Variants in TRIM34 observed in about 807,000 individuals in gnomAD.
The protein encoded by TRIM34 is E3 ubiquitin-protein ligase TRIM34.
Under a neutral mutation model 38.1 loss-of-function variants are expected in TRIM34, and 41 were observed. The ratio of observed to expected loss-of-function variants is 1.08; its 90% CI spans 0.84 to 1.40. The LOEUF is 1.40. Among genes scored for constraint, TRIM34 ranks in the 40% most tolerant of loss-of-function variants. The pLI is 0.00. For synonymous variants in TRIM34, 200 were observed against 202.5 expected (o/e 0.99, Z 0.10); for missense variants, 556 against 571.4 (o/e 0.97, Z 0.27).
intron 1 of TRIM34, among the ~76,000 whole-genome samples, chr11:5,625,311 G>A (rs1209260486): frequency 6.6e-6 from 1 of 152,060 alleles, no homozygotes; most frequent in African/African-American, 2.4e-5. Context: ...TTTCCTCCAG[G>A]CTGAATCTAT....
At position 5,644,149 on chromosome 11, in the gene TRIM34, G is replaced by A; in HGVS notation, c.*440G>A. The A allele has an allele frequency of 2.5e-6, 1 of 400,134 alleles. No individual in the cohort carries two copies. 24.8% of individuals were successfully genotyped at this position (400,134 alleles called of 1,614,324 possible). A position where few individuals can be genotyped will look rare whatever the true frequency, so the allele number is the denominator to read the frequency against. On this transcript the variant is annotated 3_prime_UTR_variant, in exon 8 of 8. Coordinates refer to ENST00000429814, the MANE Select transcript of TRIM34 (RefSeq NM_021616.6). ...CCCAGGTACATCAAGGAATCAAGGAGAGGAAAATATGAGCAATATGTGTAT... is the reference window on the plus strand; with the variant it reads ...CCCAGGTACATCAAGGAATCAAGGAAAGGAAAATATGAGCAATATGTGTAT...
intron 1 of TRIM34, among the ~76,000 whole-genome samples, chr11:5,629,682 A>G (rs550876673): frequency 7.9e-5 from 12 of 152,322 alleles, no homozygotes; most frequent in Admixed American, 2.0e-4. Flanking sequence ...GGGCCGCTTC[A>G]GGTGAGCTCT....
In TRIM34 at chr11:5,643,493, T is replaced by C. The variant is rs1411901899; in HGVS notation, c.1251T>C (p.Ser417=). The C allele has an allele frequency of 1.9e-6, 3 of 1,614,254 alleles. No homozygotes were observed. Among genetic ancestry groups the C allele is most frequent in the Non-Finnish European group, 2.5e-6 (3 of 1,180,040 alleles). ...GTGTCTTTGAAGAGTCTTTGTCCTC[T>C]GATCCCGAGGTTTTGACTCTCTCCA... ...KYGVFEESLS[S]DPEVLTLSMA... The change falls in exon 8 of 8, where the codon TCT becomes TCC. Residue 417 remains serine (S), a synonymous_variant. Transcript: ENST00000429814.
At chr11:5,628,953 G>A (rs74495836) in intron 1 of TRIM34, among the ~76,000 whole-genome samples, 11,037 of 151,784 alleles carry the variant, frequency 0.073, 530 homozygotes, top group East Asian at 0.17. Context: ...TTTCTTTCCC[G>A]TGTGTCTGTA....
At chr11:5,626,143 CTG>C (rs938729198) in intron 1 of TRIM34, among the ~76,000 whole-genome samples, 1 of 152,232 alleles carries the variant, frequency 6.6e-6, no homozygotes, top group Non-Finnish European at 1.5e-5. Context: ...TACATACTGA[CTG>C]TCTCCCAGAG....
chr11:5,634,492 TACACACACACACACACACACACAC>T, intron 3 of TRIM34, 115 bp from the exon 4 acceptor site: 1 of 227,110 alleles, frequency 4.4e-6, no homozygotes, highest in African/African-American at 2.9e-5. Context: ...ATAATATAAA[TACACACACACACACACACACACAC>T]ACACACACAC....
chr11:5,641,065 A>C lies in TRIM34; in HGVS notation c.751-102A>C, dbSNP rs74051046. 11,310 of 1,434,402 alleles carry C rather than the reference A, an allele frequency of 7.9e-3. 708 individuals carry two copies. The African/African-American group carries it at 0.14, about 18-fold the overall frequency. 88.9% of individuals were successfully genotyped at this position (1,434,402 alleles called of 1,614,324 possible). On this transcript the variant is annotated intron_variant, in intron 4 of 7. Transcript: ENST00000429814. ...TTTTGTTGACATTTTCATATAACTC[A>C]CTTCTGATTTTTCCATTTTTTTTCC...
intron 1 of TRIM34, among the ~76,000 whole-genome samples, chr11:5,625,513 A>G (rs1275561105): frequency 6.6e-6 from 1 of 152,154 alleles, no homozygotes; most frequent in African/African-American, 2.4e-5. Context: ...AGCTCCTAGT[A>G]TGTGGCGTCA....
intron 4 of TRIM34, among the ~76,000 whole-genome samples, chr11:5,637,105 G>A (rs1849774756): frequency 3.3e-5 from 5 of 152,274 alleles, no homozygotes; most frequent in Admixed American, 6.5e-5. Flanking sequence ...CCCAGGAGGC[G>A]GAGCTTGCAG....
Position 5,642,498 on chromosome 11 carries a change from T to C in TRIM34, c.866T>C (p.Met289Thr), listed in dbSNP as rs1564891018. The change falls in exon 6 of 8, where the codon ATG becomes ACG. Residue 289 changes from methionine (M) to threonine (T), a missense_variant. Transcript: ENST00000429814. The stretch of plus-strand genomic sequence containing the variant: ...CCAGATCTGAGTAGGATGCTGCAAA[T>C]GTTTAGAGGTGAGGAGAAGCAGACA... ...HAPDLSRMLQMFRELTAVRCY... is the reference protein window; with the variant it reads ...HAPDLSRMLQTFRELTAVRCY... 1 of 1,613,522 alleles carries C rather than the reference T, an allele frequency of 6.2e-7. No homozygotes were observed. Among genetic ancestry groups the C allele is most frequent in the South Asian group, 1.1e-5 (1 of 90,978 alleles).
intron 1 of TRIM34, among the ~76,000 whole-genome samples, chr11:5,625,507 C>T (rs752022161): frequency 3.3e-5 from 5 of 152,076 alleles, no homozygotes; most frequent in Admixed American, 2.6e-4. Context: ...GGGCTTAGCT[C>T]CTAGTATGTG....
intron 4 of TRIM34, among the ~76,000 whole-genome samples, chr11:5,637,484 T>C (rs1334101747): frequency 5.3e-5 from 8 of 152,244 alleles, no homozygotes; most frequent in Non-Finnish European, 7.3e-5. Flanking sequence ...ATGCTTTCTG[T>C]AATAGTTTTA....
At chr11:5,624,702 CCACT>C (rs1849124495), upstream of TRIM34, 1 of 152,172 alleles carries the variant, frequency 6.6e-6, no homozygotes, top group Non-Finnish European at 1.5e-5. Flanking sequence ...TGACCTGTAC[CCACT>C]AAGATGCCAG....
rs1049257993 is a variant in TRIM34 at position 5,643,740 on chromosome 11, G to T, written c.*31G>T. 2 of 1,541,432 alleles carry T rather than the reference G, an allele frequency of 1.3e-6. No individual in the cohort carries two copies. The highest frequency in any genetic ancestry group is 2.3e-5 in the East Asian group (1 of 44,442). On this transcript the variant is annotated 3_prime_UTR_variant, in exon 8 of 8. Transcript: ENST00000429814. ...CTCATTTCTTCACCTACAACCCTTT[G>T]TCTTGACTTATCTCCTGCAACTGAC...
chr11:5,641,695 GTGA>G (rs1250293882), intron 5 of TRIM34, among the ~76,000 whole-genome samples: 1 of 152,168 alleles, frequency 6.6e-6, no homozygotes, highest in Non-Finnish European at 1.5e-5. Flanking sequence ...TGTGACTCTG[GTGA>G]TGATAATTAA....
At chr11:5,630,297 T>TC (rs1460025936) in intron 1 of TRIM34, among the ~76,000 whole-genome samples, 3 of 152,158 alleles carry the variant, frequency 2.0e-5, no homozygotes, top group African/African-American at 7.2e-5. Context: ...AACCTTTTTT[T>TC]CCCCCACATG....
At chr11:5,626,064 C>T (rs1028114452) in intron 1 of TRIM34, among the ~76,000 whole-genome samples, 7 of 152,226 alleles carry the variant, frequency 4.6e-5, no homozygotes, top group African/African-American at 9.6e-5. Flanking sequence ...TCTGCTCTCA[C>T]CCTTCAGAGT....
chr11:5,625,340 G>A (rs1849158375), intron 1 of TRIM34, among the ~76,000 whole-genome samples: 1 of 152,046 alleles, frequency 6.6e-6, no homozygotes, highest in Non-Finnish European at 1.5e-5. Context: ...CCTTCCTATT[G>A]TATAATTTTG....
Position 5,634,853 on chromosome 11 carries a change from C to A in TRIM34, c.742C>A (p.Leu248Met), listed in dbSNP as rs1590172673. ...TCGGAGTCAGTGGTCAACAATGGAG[C>A]TGCTGCAGGTAAGAAGGTTCGCTCA... ...ECRSQWSTMELLQDMSGIMKW... is the reference protein window; with the variant it reads ...ECRSQWSTMEMLQDMSGIMKW... Residue 248 changes from leucine (L) to methionine (M), a missense_variant, in exon 4 of 8, where the codon CTG becomes ATG. By Grantham distance (15) the Leu-to-Met change is conservative. Coordinates refer to ENST00000429814, the MANE Select transcript of TRIM34 (RefSeq NM_021616.6). 6.2e-7 allele frequency: 1 copy of A among 1,612,216 alleles called. No homozygotes were observed. Among genetic ancestry groups the A allele is most frequent in the Non-Finnish European group, 8.5e-7 (1 of 1,178,954 alleles).
Sources: allele counts gnomAD v4.1 joint callset (sites outside exome capture counted in the v4.1 genomes callset), GRCh38; gene constraint gnomAD v4.1.1; transcripts MANE v1.5; gene names NCBI Gene and HGNC (gene_info 2026-07-23, HGNC 2026-07-21).